Variants in LLGL1 observed in about 807,000 individuals in gnomAD.
The protein encoded by LLGL1 is LLGL scribble cell polarity complex component 1, also known as lethal(2) giant larvae protein homolog 1.
Under a neutral mutation model 110.6 loss-of-function variants are expected in LLGL1, and 58 were observed. The ratio of observed to expected loss-of-function variants is 0.52; its 90% confidence interval spans 0.42 to 0.65. The LOEUF (loss-of-function observed/expected upper bound fraction) is 0.65, where lower values mean the gene tolerates loss of function less well. Ranked by LOEUF, LLGL1 falls within the 30% of genes least tolerant of loss-of-function variation. LLGL1 has a pLI of 0.00. For missense variants in LLGL1, 1,229 were observed against 1,462.1 expected (o/e 0.84, Z 2.60); for synonymous variants, 674 against 607.2 (o/e 1.11, Z -1.62).
intron 13 of LLGL1, 41 bp downstream of exon 13, chr17:18,236,980 G>A: frequency 6.6e-7 from 1 of 1,519,018 alleles, no homozygotes; most frequent in Non-Finnish European, 9.0e-7. Context: ...GTCAGGGAGG[G>A]CTTTCTGGAA....
chr17:18,232,754 A>G lies in LLGL1; in HGVS notation c.344A>G (p.Glu115Gly). 1 of 1,614,104 alleles carries G rather than the reference A, an allele frequency of 6.2e-7. No individual in the cohort carries two copies. The highest frequency in any genetic ancestry group is 1.1e-5 in the South Asian group (1 of 91,088). Reference sequence around the variant, plus strand: ...CATAATGGCTGTGCCCACCTGGAAGAAGCACTCAGTTTCCAGCTGCCCAGC... The same window carrying G: ...CATAATGGCTGTGCCCACCTGGAAGGAGCACTCAGTTTCCAGCTGCCCAGC... ...VHHNGCAHLE[E>G]ALSFQLPSRP... Residue 115 changes from glutamate (E) to glycine (G), a missense_variant, in exon 4 of 23, where the codon GAA becomes GGA. Coordinates refer to ENST00000316843, the MANE Select transcript of LLGL1 (RefSeq NM_004140.4).
rs918394452 is a variant in LLGL1, at chr17:18,234,163, C to T, written c.702C>T (p.Phe234=). 6.2e-7 allele frequency: 1 copy of T among 1,602,216 alleles called. No individual in the cohort carries two copies. Among genetic ancestry groups the T allele is most frequent in the African/African-American group, 1.3e-5 (1 of 74,782 alleles). ...NQASQCVDHI[F]LGNQQLESLC... is the part of the protein sequence containing the mutation. ...CCTCGCAGTGTGTGGACCACATCTT[C>T]CTGGGGAACCAGGTATGTAGGTGAG... The change falls in exon 6 of 23, where the codon TTC becomes TTT. Residue 234 remains phenylalanine, a synonymous_variant. Transcript: ENST00000316843.
At chr17:18,241,803 A>C in intron 18 of LLGL1, 82 bp from the exon 19 acceptor site, 1 of 1,606,636 alleles carries the variant, frequency 6.2e-7, no homozygotes, top group South Asian at 1.1e-5. Context: ...AGGGCACTCC[A>C]GGTGGGCACA....
intron 14 of LLGL1, 33 bp from the exon 15 acceptor site, chr17:18,238,034 T>C (rs1263608110): frequency 3.1e-6 from 5 of 1,609,722 alleles, no homozygotes; most frequent in African/African-American, 1.3e-5. Flanking sequence ...AGGAGGCTGC[T>C]CTATAGCACG....
rs766965174 is a variant in LLGL1 at position 18,237,044 on chromosome 17, C to T, written c.1611+105C>T. On this transcript the variant is annotated intron_variant, in intron 13 of 22. Coordinates refer to ENST00000316843, the MANE Select transcript of LLGL1 (RefSeq NM_004140.4). ...GGAGATGGACTGGCACAGGCAAAAG[C>T]CAAGGTGGGAATAGGGCTCTGGGTG... is the stretch of plus-strand genomic sequence containing the variant. 8 of 1,004,912 alleles carry T rather than the reference C, an allele frequency of 8.0e-6. No homozygotes were observed. In the Admixed American group the frequency reaches 1.7e-4, roughly 21 times the overall value. 62.2% of individuals were successfully genotyped at this position (1,004,912 alleles called of 1,614,324 possible). A position where few individuals can be genotyped will look rare whatever the true frequency, so the allele number is the denominator to read the frequency against.
chr17:18,243,777 T>G (rs536502785), intron 22 of LLGL1, 131 bp from the exon 23 acceptor site: 3 of 152,388 alleles, frequency 2.0e-5, no homozygotes, highest in African/African-American at 7.2e-5. Context: ...TCTCAGGTGG[T>G]CACTGAAGGG....
At position 18,242,812 on chromosome 17, in the gene LLGL1, G is replaced by A. The variant is rs1313073921; in HGVS notation, c.3186G>A (p.Leu1062=). ...ACGAGGCCCACGCCTGTGCCATCCT[G>A]ATCAAATGAGGTGCTGCAGGGGTGG... ...AEDEAHACAI[L]IK Residue 1062 remains leucine (L), a synonymous_variant, in exon 22 of 23, where the codon CTG becomes CTA. Coordinates refer to ENST00000316843, the MANE Select transcript of LLGL1 (RefSeq NM_004140.4). The A allele has an allele frequency of 6.4e-7, 1 of 1,553,758 alleles. No homozygotes were observed. The highest frequency in any genetic ancestry group is 8.7e-7 in the Non-Finnish European group (1 of 1,148,866).
chr17:18,239,697 G>C (rs1407266849), intron 16 of LLGL1, among the ~76,000 whole-genome samples: 3 of 152,130 alleles, frequency 2.0e-5, no homozygotes, highest in African/African-American at 7.2e-5. Flanking sequence ...TCTTTGTGCA[G>C]TGGATTTTCT....
chr17:18,236,651 C>T lies in LLGL1; in HGVS notation c.1397C>T (p.Ala466Val), dbSNP rs776966875. The change falls in exon 12 of 23, where the codon GCG becomes GTG. Residue 466 changes from alanine to valine, a missense_variant. Transcript: ENST00000316843. Reference sequence around the variant, plus strand: ...AGGTTCTGGGATGCCTCGGGTGTGGCGCTGCGGCCGCTCTATAAGCTGAGC... The same window carrying T: ...AGGTTCTGGGATGCCTCGGGTGTGGTGCTGCGGCCGCTCTATAAGCTGAGC... ...TVRFWDASGV[A>V]LRPLYKLSTA... 46 of 1,612,702 alleles carry T rather than the reference C, an allele frequency of 2.9e-5. No individual in the cohort carries two copies. The highest frequency in any genetic ancestry group is 1.6e-4 in the Middle Eastern group (1 of 6,070).
intron 18 of LLGL1, 84 bp downstream of exon 18, chr17:18,241,799 C>T (rs1480690065): frequency 1.9e-5 from 31 of 1,607,888 alleles, no homozygotes; most frequent in Non-Finnish European, 2.6e-5. Flanking sequence ...AGGAAGGGCA[C>T]TCCAGGTGGG....
Position 18,236,577 on chromosome 17 carries a change from G to T in LLGL1, c.1353-30G>T, listed in dbSNP as rs376180441. 9.4e-6 allele frequency: 15 copies of T among 1,589,046 alleles called. No homozygotes were observed. The South Asian group carries it at 1.6e-4, about 17-fold the overall frequency. The stretch of plus-strand genomic sequence containing the variant: ...GGGCGTGCAGGCCTCCCAGGAACTC[G>T]GGTAGCCCTGACATCTGCCCTCCCT... On this transcript the variant is annotated intron_variant, in intron 11 of 22. Transcript: ENST00000316843.
chr17:18,236,656 C>T lies in LLGL1; in HGVS notation c.1402C>T (p.Arg468Trp), dbSNP rs2047701217. 3.1e-6 allele frequency: 5 copies of T among 1,612,812 alleles called. No individual in the cohort carries two copies. The highest frequency in any genetic ancestry group is 1.1e-5 in the South Asian group (1 of 91,062). ...CTGGGATGCCTCGGGTGTGGCGCTG[C>T]GGCCGCTCTATAAGCTGAGCACAGC... Reference protein sequence around the residue: ...RFWDASGVALRPLYKLSTAGL... With the variant: ...RFWDASGVALWPLYKLSTAGL... The change falls in exon 12 of 23, where the codon CGG (arginine) becomes TGG (tryptophan). Residue 468 changes from arginine to tryptophan, a missense_variant. By Grantham distance (101) the Arg-to-Trp change is moderately radical. Transcript: ENST00000316843.
intron 18 of LLGL1, 82 bp downstream of exon 18, chr17:18,241,797 C>A: frequency 6.2e-7 from 1 of 1,606,508 alleles, no homozygotes. Flanking sequence ...GCAGGAAGGG[C>A]ACTCCAGGTG....
At position 18,238,540 on chromosome 17, in the gene LLGL1, C is replaced by T. The variant is rs754721408; in HGVS notation, c.2137C>T (p.Arg713Cys). The change falls in exon 16 of 23, where the codon CGC becomes TGC. Residue 713 changes from arginine (R) to cysteine (C), a missense_variant. Transcript: ENST00000316843. ...MTPVQRRIEP[R>C]SADDSLSGVV... ...GCCCGTGCAGCGCCGCATTGAGCCC[C>T]GCTCTGCCGATGACTCCTTGTCGGG... 1.2e-5 allele frequency: 20 copies of T among 1,612,924 alleles called. No homozygotes were observed. The highest frequency in any genetic ancestry group is 5.5e-5 in the South Asian group (5 of 91,080).
intron 17 of LLGL1, 80 bp from the exon 18 acceptor site, chr17:18,241,371 G>T: frequency 6.6e-7 from 1 of 1,513,880 alleles, no homozygotes; most frequent in South Asian, 1.3e-5. Context: ...GGGGGCTGTT[G>T]GGTCAGCAGC....
Position 18,242,631 on chromosome 17 carries a change from G to A in LLGL1, c.3116+3G>A. ...GAAGATGTGAAGGATTTCCTGGGGT[G>A]AGGCTGGTGGGCAGGTCCACAGGGG... On this transcript the variant is annotated splice_donor_region_variant and intron_variant, in intron 21 of 22. Coordinates refer to ENST00000316843, the MANE Select transcript of LLGL1 (RefSeq NM_004140.4). The A allele has an allele frequency of 6.2e-7, 1 of 1,605,604 alleles. No homozygotes were observed.
At chr17:18,228,348 A>G (rs1429396676) in intron 1 of LLGL1, among the ~76,000 whole-genome samples, 1 of 152,212 alleles carries the variant, frequency 6.6e-6, no homozygotes, top group Non-Finnish European at 1.5e-5. Flanking sequence ...GAGGGGCAGT[A>G]GGTGCAAAGG....
At chr17:18,229,913 A>AC in intron 1 of LLGL1, 28 bp from the exon 2 acceptor site, 1 of 1,535,190 alleles carries the variant, frequency 6.5e-7, no homozygotes, top group Non-Finnish European at 8.9e-7. Context: ...GGGAGTGCTT[A>AC]CCCCCAGCAG....
Position 18,242,833 on chromosome 17 carries a change from GGT to G in LLGL1, c.*1+13_*1+14del. ...TCCTGATCAAATGAGGTGCTGCAGG[GGT>G]GGGGCCCTGGTCCTCACCACTGGTG... On this transcript the variant is annotated intron_variant, in intron 22 of 22. Transcript: ENST00000316843. 1 of 1,545,280 alleles carries G rather than the reference GGT, an allele frequency of 6.5e-7. No individual in the cohort carries two copies. The highest frequency in any genetic ancestry group is 1.2e-5 in the South Asian group (1 of 83,086).
Sources: gnomAD v4.1 joint callset for allele counts (sites outside exome capture counted in the v4.1 genomes callset) on GRCh38, gnomAD v4.1.1 for gene constraint, MANE v1.5 for transcripts, NCBI Gene and HGNC (gene_info 2026-07-23, HGNC 2026-07-21) for gene names.